Variants in GRAMD2A observed in about 807,000 individuals in gnomAD.
GRAMD2A encodes GRAM domain containing 2A.
A neutral mutation model predicts 51.1 loss-of-function variants in GRAMD2A; 37 were observed. The ratio of observed to expected loss-of-function variants is 0.72; its 90% CI spans 0.56 to 0.95. The LOEUF is 0.95. GRAMD2A is among the 40% of genes least tolerant of loss of function. GRAMD2A has a pLI of 0.00. For synonymous variants in GRAMD2A, 136 were observed against 157.1 expected, an observed-to-expected ratio of 0.87 and a Z score of 1.01; for missense variants, 414 against 426.9, an observed-to-expected ratio of 0.97 and a Z score of 0.27.
intron 1 of GRAMD2A, among the ~76,000 whole-genome samples, chr15:72,182,501 AAAAC>A (rs2081704543): frequency 6.6e-6 from 1 of 152,196 alleles, no homozygotes; most frequent in African/African-American, 2.4e-5. Context: ...ACAGAAGAAA[AAAAC>A]AGATAAATTG....
At chr15:72,174,147 T>C (rs1405290107) in intron 1 of GRAMD2A, among the ~76,000 whole-genome samples, 2 of 152,154 alleles carry the variant, frequency 1.3e-5, no homozygotes, top group East Asian at 3.8e-4. Context: ...AATAGTGGTG[T>C]CTTCTCCCCT....
intron 1 of GRAMD2A, among the ~76,000 whole-genome samples, chr15:72,192,986 C>T (rs2081778806): frequency 6.6e-6 from 1 of 151,794 alleles, no homozygotes; most frequent in Admixed American, 6.6e-5. Context: ...ATTAGTCGGG[C>T]GTGGTGGCAC....
At chr15:72,190,877 A>T (rs1228164778) in intron 1 of GRAMD2A, among the ~76,000 whole-genome samples, 1 of 152,188 alleles carries the variant, frequency 6.6e-6, no homozygotes. Flanking sequence ...CTGATTCCGG[A>T]TCTGAGGAAA....
intron 1 of GRAMD2A, among the ~76,000 whole-genome samples, chr15:72,173,414 C>G (rs529192173): frequency 2.9e-4 from 44 of 152,294 alleles, no homozygotes; most frequent in Admixed American, 4.6e-4. Flanking sequence ...TCACAGCACC[C>G]TGATCGGAAG....
At position 72,166,924 on chromosome 15, in the gene GRAMD2A, G is replaced by C. The variant is rs1344478332; in HGVS notation, c.471+70C>G. 1 of 1,251,700 alleles carries C rather than the reference G, an allele frequency of 8.0e-7. No homozygotes were observed. The highest frequency in any genetic ancestry group is 1.2e-5 in the South Asian group (1 of 83,470). 77.5% of individuals were successfully genotyped at this position (1,251,700 alleles called of 1,614,324 possible). A position where few individuals can be genotyped will look rare whatever the true frequency, so the allele number is the denominator to read the frequency against. ...GAAATAAAGACCTGGGAATGTGCCC[G>C]AGTCAGACTGTGGGCTGTCAGGGCT... On this transcript the variant is annotated intron_variant, in intron 6 of 11. Transcript: ENST00000309731. This position sits in a 1 kb window ranked among gnomAD's most constrained non-coding sequence, Gnocchi z 4.1.
intron 1 of GRAMD2A, among the ~76,000 whole-genome samples, chr15:72,191,289 T>A (rs904570287): frequency 1.2e-4 from 18 of 152,012 alleles, no homozygotes; most frequent in Admixed American, 9.8e-4. Flanking sequence ...AACCTCCGCC[T>A]CCCGAGTTCA....
chr15:72,175,941 G>A (rs1033548953), intron 1 of GRAMD2A: 1 of 152,600 alleles, frequency 6.6e-6, no homozygotes, highest in African/African-American at 2.4e-5. Flanking sequence ...CACCCAGCAG[G>A]AAAGGAGGGG....
At chr15:72,169,537 C>T in intron 2 of GRAMD2A, 2 of 569,958 alleles carry the variant, frequency 3.5e-6, no homozygotes, top group Non-Finnish European at 6.6e-6. Flanking sequence ...CTGGCTGAGG[C>T]TACCACACTG....
intron 7 of GRAMD2A, among the ~76,000 whole-genome samples, chr15:72,165,832 C>G (rs539002511): frequency 1.3e-5 from 2 of 152,084 alleles, no homozygotes; most frequent in East Asian, 1.9e-4. Flanking sequence ...CTTCAAGTAC[C>G]TATACAGCCA....
At chr15:72,188,680 T>C (rs1459996960) in intron 1 of GRAMD2A, among the ~76,000 whole-genome samples, 1 of 152,124 alleles carries the variant, frequency 6.6e-6, no homozygotes, top group Non-Finnish European at 1.5e-5. Flanking sequence ...TTTGGTATAC[T>C]TTGCCTCAAT....
chr15:72,191,564 A>G (rs1304896428), intron 1 of GRAMD2A, among the ~76,000 whole-genome samples: 1 of 152,220 alleles, frequency 6.6e-6, no homozygotes, highest in African/African-American at 2.4e-5. Context: ...GTAGGATTAG[A>G]CTAATACCAT....
intron 1 of GRAMD2A, among the ~76,000 whole-genome samples, chr15:72,171,814 T>A (rs1043251900): frequency 6.7e-6 from 1 of 149,214 alleles, no homozygotes; most frequent in Non-Finnish European, 1.5e-5. Context: ...TTCATTTGTA[T>A]AAATTTTTTC....
chr15:72,173,633 A>C (rs1232576867), intron 1 of GRAMD2A: 1 of 152,180 alleles, frequency 6.6e-6, no homozygotes, highest in African/African-American at 2.4e-5. Context: ...TCTTTAAATT[A>C]AAAGCCAACT....
rs76957408 is a variant in GRAMD2A at position 72,179,185 on chromosome 15, G to T, written c.42-9246C>A. Among the ~76,000 whole-genome samples the T allele has an allele frequency of 5.3e-5, 8 of 152,226 alleles. 1 individual carries two copies. Among genetic ancestry groups the T allele is most frequent in the South Asian group, 4.1e-4 (2 of 4,834 alleles). ...TGCCTGTAGCAGCTTTGAGATGAAG[G>T]GGGGATGTGGAGGGCCAGAGGCCTA... On this transcript the variant is annotated intron_variant, in intron 1 of 11. Coordinates refer to ENST00000309731, the MANE Select transcript of GRAMD2A (RefSeq NM_001012642.3).
intron 1 of GRAMD2A, among the ~76,000 whole-genome samples, chr15:72,194,817 A>T (rs1024368977): frequency 6.6e-6 from 1 of 151,970 alleles, no homozygotes; most frequent in Non-Finnish European, 1.5e-5. Context: ...CCTCCCAGGT[A>T]GCTGGGATTA....
chr15:72,181,108 G>A (rs1272207124), intron 1 of GRAMD2A, among the ~76,000 whole-genome samples: 3 of 152,252 alleles, frequency 2.0e-5, no homozygotes, highest in African/African-American at 4.8e-5. Flanking sequence ...CCCAAGGCCA[G>A]AAGTGTGCAG....
At chr15:72,184,244 A>C (rs969653305) in intron 1 of GRAMD2A, among the ~76,000 whole-genome samples, 1 of 152,220 alleles carries the variant, frequency 6.6e-6, no homozygotes, top group Non-Finnish European at 1.5e-5. Flanking sequence ...AAGAGCCACA[A>C]GCCTATTTTC....
At chr15:72,187,600 G>C (rs2140559394) in intron 1 of GRAMD2A, among the ~76,000 whole-genome samples, 1 of 152,180 alleles carries the variant, frequency 6.6e-6, no homozygotes, top group East Asian at 1.9e-4. Context: ...TACAACCTCT[G>C]CCTGCTGGGC....
Position 72,166,934 on chromosome 15 carries a change from G to T in GRAMD2A, c.471+60C>A, listed in dbSNP as rs765428721. 16 of 1,333,784 alleles carry T rather than the reference G, an allele frequency of 1.2e-5. No homozygotes were observed. The highest frequency in any genetic ancestry group is 1.7e-5 in the Non-Finnish European group (16 of 925,218). The allele number at this position is 1,333,784 out of a possible 1,614,324, so 82.6% of individuals were successfully genotyped here. ...CCTGGGAATGTGCCCGAGTCAGACTGTGGGCTGTCAGGGCTGGGAGCGGGA... is the reference window on the plus strand; with the variant it reads ...CCTGGGAATGTGCCCGAGTCAGACTTTGGGCTGTCAGGGCTGGGAGCGGGA... On this transcript the variant is annotated intron_variant, in intron 6 of 11. Coordinates refer to ENST00000309731, the MANE Select transcript of GRAMD2A (RefSeq NM_001012642.3). This position sits in a 1 kb window ranked among gnomAD's most constrained non-coding sequence, Gnocchi z 4.1.
Sources: allele counts gnomAD v4.1 joint callset (sites outside exome capture counted in the v4.1 genomes callset), GRCh38; gene constraint gnomAD v4.1.1; non-coding constraint Gnocchi (gnomAD v3.1); transcripts MANE v1.5; gene names NCBI Gene and HGNC (gene_info 2026-07-23, HGNC 2026-07-21).